ALCAM: variants seen among roughly 807,000 people sequenced by gnomAD.
ALCAM encodes CD166 antigen.
A neutral mutation model predicts 70.9 loss-of-function variants in ALCAM; 30 were observed. The observed-to-expected ratio is 0.42, with a 90% CI of 0.32 to 0.57. The LOEUF is 0.57. Ranked by LOEUF, ALCAM falls within the 20% of genes least tolerant of loss-of-function variation. The probability of loss-of-function intolerance (pLI) is 0.11; values close to 1 mark genes in which losing one functional copy is unlikely to be tolerated. For missense variants in ALCAM, 591 were observed against 695.1 expected, an observed-to-expected ratio of 0.85 and a Z score of 1.68; for synonymous variants, 249 against 242.5, an observed-to-expected ratio of 1.03 and a Z score of -0.25.
chr3:105,461,432 C>T (rs574373892), intron 1 of ALCAM, among the ~76,000 whole-genome samples: 24 of 151,678 alleles, frequency 1.6e-4, no homozygotes, highest in Non-Finnish European at 3.2e-4. Flanking sequence ...GTAAAAGACA[C>T]GTAACATGTT....
chr3:105,565,977 ATACTT>A (rs1940733990), intron 14 of ALCAM, among the ~76,000 whole-genome samples: 1 of 152,212 alleles, frequency 6.6e-6, no homozygotes, highest in South Asian at 2.1e-4. Flanking sequence ...CCACCAGAAA[ATACTT>A]CCAGGCACAA....
At chr3:105,398,858 G>GA (rs910768969) in intron 1 of ALCAM, among the ~76,000 whole-genome samples, 14 of 148,600 alleles carry the variant, frequency 9.4e-5, no homozygotes, top group African/African-American at 2.7e-4. Flanking sequence ...CCAAGAGCAA[G>GA]AAAAAAAAAG....
intron 14 of ALCAM, among the ~76,000 whole-genome samples, chr3:105,555,477 A>G (rs1940495007): frequency 6.6e-6 from 1 of 152,156 alleles, no homozygotes; most frequent in Admixed American, 6.6e-5. Context: ...CAAGCTGCTC[A>G]TGCAGAGTAA....
chr3:105,517,487 A>G (rs1436158407), intron 1 of ALCAM, among the ~76,000 whole-genome samples: 1 of 152,112 alleles, frequency 6.6e-6, no homozygotes, highest in African/African-American at 2.4e-5. Context: ...AAAAGACACC[A>G]TTCATGAATT....
intron 1 of ALCAM, among the ~76,000 whole-genome samples, chr3:105,470,409 T>C (rs2152602872): frequency 6.6e-6 from 1 of 151,198 alleles, no homozygotes; most frequent in Non-Finnish European, 1.5e-5. Context: ...ACTGAATATA[T>C]TGGTGTCAAG....
rs543791500 is a variant in ALCAM, at chr3:105,368,897, C to T, written c.73+1416C>T. ...TGCGTTCTCTGACAAATCTCGGGCT[C>T]TGGGGCGGGGACTGTGAAACCATAG... is the stretch of plus-strand genomic sequence containing the variant. On this transcript the variant is annotated intron_variant, in intron 1 of 15. Transcript: ENST00000306107. Among the ~76,000 whole-genome samples the T allele has an allele frequency of 3.9e-5, 6 of 152,260 alleles. No individual in the cohort carries two copies. The East Asian group carries it at 1.2e-3, about 29-fold the overall frequency.
chr3:105,507,138 G>A (rs1939100522), intron 1 of ALCAM, among the ~76,000 whole-genome samples: 1 of 152,088 alleles, frequency 6.6e-6, no homozygotes, highest in Non-Finnish European at 1.5e-5. Flanking sequence ...AAAAATTTGA[G>A]TGGAAAGTAA....
At chr3:105,515,965 A>G (rs1428252441) in intron 1 of ALCAM, among the ~76,000 whole-genome samples, 3 of 152,190 alleles carry the variant, frequency 2.0e-5, no homozygotes, top group African/African-American at 7.2e-5. Context: ...AGTTCTTATA[A>G]GTTCTGAGTC....
chr3:105,450,679 CAG>C (rs1937404479), intron 1 of ALCAM, among the ~76,000 whole-genome samples: 2 of 151,952 alleles, frequency 1.3e-5, no homozygotes, highest in Admixed American at 6.6e-5. Context: ...ATGTCTCAGA[CAG>C]AATAGATGGA....
intron 1 of ALCAM, among the ~76,000 whole-genome samples, chr3:105,472,948 T>G (rs946203942): frequency 3.3e-5 from 5 of 151,480 alleles, no homozygotes; most frequent in Non-Finnish European, 7.4e-5. Context: ...TATAAGATAA[T>G]AATGCTAATA....
intron 1 of ALCAM, among the ~76,000 whole-genome samples, chr3:105,515,449 T>C (rs976041625): frequency 2.0e-5 from 3 of 152,042 alleles, no homozygotes; most frequent in Non-Finnish European, 4.4e-5. Flanking sequence ...ATTCTATTTT[T>C]CCAAAAATTC....
At chr3:105,558,882 T>C (rs569723654) in intron 14 of ALCAM, among the ~76,000 whole-genome samples, 98 of 152,116 alleles carry the variant, frequency 6.4e-4, no homozygotes, top group African/African-American at 2.1e-3. Context: ...CCCCTATTTA[T>C]AGATGAACAA....
At chr3:105,548,138 T>G (rs1940296954) in intron 11 of ALCAM, among the ~76,000 whole-genome samples, 1 of 151,442 alleles carries the variant, frequency 6.6e-6, no homozygotes, top group Non-Finnish European at 1.5e-5. Flanking sequence ...ACCTTTTTAT[T>G]TTAGTAATAG....
intron 6 of ALCAM, among the ~76,000 whole-genome samples, chr3:105,539,201 A>G (rs1316153787): frequency 6.6e-6 from 1 of 152,126 alleles, no homozygotes; most frequent in Non-Finnish European, 1.5e-5. Context: ...TGGATAGGTT[A>G]GTGGATCATT....
chr3:105,476,234 A>G (rs567442551), intron 1 of ALCAM, among the ~76,000 whole-genome samples: 1 of 152,080 alleles, frequency 6.6e-6, no homozygotes, highest in South Asian at 2.1e-4. Context: ...CTGCTCACTC[A>G]TCTACCTACA....
intron 1 of ALCAM, among the ~76,000 whole-genome samples, chr3:105,413,958 A>G (rs1389338990): frequency 3.9e-5 from 6 of 152,236 alleles, no homozygotes; most frequent in African/African-American, 9.6e-5. Flanking sequence ...AATGCCTACT[A>G]TATGCAAAAC....
intron 1 of ALCAM, among the ~76,000 whole-genome samples, chr3:105,504,499 G>A (rs1939009540): frequency 6.6e-6 from 1 of 152,224 alleles, no homozygotes. Context: ...GTTTTCTCCT[G>A]GAGTCTGGCC....
At chr3:105,389,755 G>C (rs1308038250) in intron 1 of ALCAM, among the ~76,000 whole-genome samples, 1 of 147,570 alleles carries the variant, frequency 6.8e-6, no homozygotes, top group Non-Finnish European at 1.5e-5. Flanking sequence ...CCCCTCAACA[G>C]GTCCCATTGT....
At chr3:105,480,140 T>C (rs1938229681) in intron 1 of ALCAM, among the ~76,000 whole-genome samples, 1 of 152,122 alleles carries the variant, frequency 6.6e-6, no homozygotes, top group East Asian at 1.9e-4. Context: ...ACCTGAGGTC[T>C]GGAGTTTGAG....
Sources: gnomAD v4.1 joint callset for allele counts (sites outside exome capture counted in the v4.1 genomes callset) on GRCh38, gnomAD v4.1.1 for gene constraint, MANE v1.5 for transcripts, NCBI Gene and HGNC (gene_info 2026-07-23, HGNC 2026-07-21) for gene names.